EEA1: variants seen among roughly 807,000 people sequenced by gnomAD.
EEA1 encodes early endosome antigen 1, 162kD.
Under a neutral mutation model 209.2 loss-of-function variants are expected in EEA1, and 111 were observed. The ratio of observed to expected loss-of-function variants is 0.53; its 90% CI spans 0.45 to 0.62. The LOEUF (loss-of-function observed/expected upper bound fraction) is 0.62. EEA1 is among the 20% of genes least tolerant of loss of function. EEA1 has a pLI of 0.00. For missense variants in EEA1, 1,343 were observed against 1,530.8 expected, an observed-to-expected ratio of 0.88 and a Z score of 2.05; for synonymous variants, 536 against 540.6, an observed-to-expected ratio of 0.99 and a Z score of 0.12.
intron 2 of EEA1, among the ~76,000 whole-genome samples, chr12:92,872,734 C>G (rs750655104): frequency 2.6e-5 from 4 of 152,150 alleles, no homozygotes; most frequent in Non-Finnish European, 2.9e-5. Flanking sequence ...AGGCAGATCA[C>G]TTGAGGTCAG....
At chr12:92,836,615 CTTACATTG>C (rs1202787958) in intron 10 of EEA1, among the ~76,000 whole-genome samples, 1 of 152,162 alleles carries the variant, frequency 6.6e-6, no homozygotes, top group African/African-American at 2.4e-5. Context: ...TACATATGCT[CTTACATTG>C]TTCTATGCCT....
chr12:92,898,732 T>A (rs1360126198), intron 1 of EEA1, among the ~76,000 whole-genome samples: 1 of 28,610 alleles, frequency 3.5e-5, no homozygotes, highest in Non-Finnish European at 8.3e-5. Context: ...TTTTTTTCCC[T>A]TTTTTTTTTT....
chr12:92,863,600 T>G (rs980197742), intron 3 of EEA1, among the ~76,000 whole-genome samples: 2 of 152,206 alleles, frequency 1.3e-5, no homozygotes, highest in Admixed American at 6.5e-5. Context: ...AGCAAAAGAA[T>G]CATGCAGTCA....
chr12:92,777,425 A>C, intron 27 of EEA1, 118 bp downstream of exon 27: 1 of 1,119,022 alleles, frequency 8.9e-7, no homozygotes. Flanking sequence ...TGCTAAACAG[A>C]GAGTAGCTAT....
intron 2 of EEA1, among the ~76,000 whole-genome samples, chr12:92,878,458 C>G (rs186377392): frequency 5.3e-4 from 80 of 152,228 alleles, no homozygotes; most frequent in African/African-American, 1.5e-3. Flanking sequence ...CTTTCTGAGA[C>G]AGCTAAAAGA....
At chr12:92,869,597 A>AG (rs1390873894) in intron 2 of EEA1, among the ~76,000 whole-genome samples, 1 of 150,248 alleles carries the variant, frequency 6.7e-6, no homozygotes, top group East Asian at 1.9e-4. Context: ...AAAAAAAAAA[A>AG]TACAAAAAAT....
At position 92,858,777 on chromosome 12, in the gene EEA1, G is replaced by A. The variant is rs1021033712; in HGVS notation, c.246-1292C>T. 1.3e-5 allele frequency: 10 copies of A among 777,810 alleles called. No individual in the cohort carries two copies. In the Middle Eastern group the frequency reaches 9.4e-4, roughly 73 times the overall value. 48.2% of individuals were successfully genotyped at this position (777,810 alleles called of 1,614,324 possible). ...AGGAGAAAGTCATCAAAGCCATTGT[G>A]CCTGCAAAATACCTTGATGAGGATA... On this transcript the variant is annotated intron_variant, in intron 3 of 28. Coordinates refer to ENST00000322349, the MANE Select transcript of EEA1 (RefSeq NM_003566.4).
At position 92,791,936 on chromosome 12, in the gene EEA1, G is replaced by C. The variant is rs778567764; in HGVS notation, c.2968-3887C>G. 4.1e-4 allele frequency among the ~76,000 whole-genome samples: 63 copies of C among 152,350 alleles called. 1 individual carries two copies. Among genetic ancestry groups the C allele is most frequent in the Admixed American group, 4.6e-4 (7 of 15,298 alleles). ...ACAACAAACTGTCTCTCAGATCACA[G>C]TGCCATCAAATTAGAATTCAGGATT... On this transcript the variant is annotated intron_variant, in intron 21 of 28. Coordinates refer to ENST00000322349, the MANE Select transcript of EEA1 (RefSeq NM_003566.4).
intron 23 of EEA1, 120 bp from the exon 24 acceptor site, chr12:92,780,531 G>A: frequency 1.6e-6 from 1 of 634,154 alleles, no homozygotes. Context: ...ACCTAACTTG[G>A]GCAAATTACT....
Position 92,772,429 on chromosome 12 carries a change from G to A in EEA1, c.*3582C>T, listed in dbSNP as rs1015048111. The A allele has an allele frequency of 2.6e-5, 4 of 151,648 alleles. No homozygotes were observed. Among genetic ancestry groups the A allele is most frequent in the Non-Finnish European group, 4.4e-5 (3 of 67,766 alleles). 9.4% of individuals were successfully genotyped at this position (151,648 alleles called of 1,614,324 possible). On this transcript the variant is annotated 3_prime_UTR_variant, in exon 29 of 29. Transcript: ENST00000322349. The stretch of plus-strand genomic sequence containing the variant: ...TCCAAGTGCAAAGTCCTAATATTCT[G>A]TAAATAAATTAATGCAAAATGGTTA...
chr12:92,882,645 C>A (rs1056627350), intron 2 of EEA1, among the ~76,000 whole-genome samples: 1 of 152,062 alleles, frequency 6.6e-6, no homozygotes, highest in Non-Finnish European at 1.5e-5. Flanking sequence ...ATGTTTAGCT[C>A]CCATTTATAA....
At chr12:92,916,718 C>G (rs903685102) in intron 1 of EEA1, among the ~76,000 whole-genome samples, 1 of 125,708 alleles carries the variant, frequency 8.0e-6, no homozygotes, top group Admixed American at 7.5e-5. Context: ...CAGCTCCTCA[C>G]CAGCAACAGA....
intron 21 of EEA1, among the ~76,000 whole-genome samples, chr12:92,792,543 A>C (rs1302772265): frequency 1.3e-5 from 2 of 152,188 alleles, no homozygotes; most frequent in Non-Finnish European, 2.9e-5. Flanking sequence ...GAAATCAATA[A>C]ATTCCTGGAC....
At chr12:92,855,747 C>T (rs375994926) in intron 5 of EEA1, among the ~76,000 whole-genome samples, 17 of 152,140 alleles carry the variant, frequency 1.1e-4, no homozygotes, top group African/African-American at 4.1e-4. Context: ...TATATTTTCC[C>T]CAAAAGGTAA....
intron 2 of EEA1, among the ~76,000 whole-genome samples, chr12:92,888,873 G>A (rs1462570885): frequency 6.6e-6 from 1 of 152,182 alleles, no homozygotes; most frequent in African/African-American, 2.4e-5. Flanking sequence ...AAATGGGCCA[G>A]GCATGGTGAC....
chr12:92,897,432 G>A (rs191001005), intron 1 of EEA1, among the ~76,000 whole-genome samples: 1 of 152,154 alleles, frequency 6.6e-6, no homozygotes, highest in Admixed American at 6.5e-5. Flanking sequence ...ACTGAATGTG[G>A]GTTACCACTT....
intron 1 of EEA1, among the ~76,000 whole-genome samples, chr12:92,923,709 T>C (rs918305880): frequency 6.6e-6 from 1 of 152,096 alleles, no homozygotes; most frequent in African/African-American, 2.4e-5. Flanking sequence ...ATTATTTATC[T>C]GTCTCCTCCA....
chr12:92,808,345 T>C (rs957483622), intron 18 of EEA1, among the ~76,000 whole-genome samples: 3 of 152,212 alleles, frequency 2.0e-5, no homozygotes, highest in Non-Finnish European at 2.9e-5. Flanking sequence ...AAAGTACATA[T>C]GTAAAATCTG....
chr12:92,864,818 G>A (rs762630189), intron 3 of EEA1, 42 bp downstream of exon 3: 2 of 1,473,742 alleles, frequency 1.4e-6, no homozygotes, highest in Non-Finnish European at 1.8e-6. Context: ...GATACCACAT[G>A]CATATTCCAT....
Sources: gnomAD v4.1 joint callset for allele counts (sites outside exome capture counted in the v4.1 genomes callset) on GRCh38, gnomAD v4.1.1 for gene constraint, MANE v1.5 for transcripts, NCBI Gene and HGNC (gene_info 2026-07-23, HGNC 2026-07-21) for gene names.